PPM1F: variants seen among roughly 807,000 people sequenced by gnomAD.
The protein encoded by PPM1F is protein phosphatase 1F.
Under a neutral mutation model 35.5 loss-of-function variants are expected in PPM1F, and 17 were observed. The observed-to-expected ratio is 0.48, with a 90% CI of 0.33 to 0.72. The LOEUF is 0.72. Ranked by LOEUF, PPM1F falls within the 30% of genes least tolerant of loss-of-function variation. PPM1F has a pLI of 0.02. For missense variants in PPM1F, 521 were observed against 613.0 expected, an observed-to-expected ratio of 0.85 and a Z score of 1.59; for synonymous variants, 241 against 255.5, an observed-to-expected ratio of 0.94 and a Z score of 0.54.
At chr22:21,938,142 G>A in intron 3 of PPM1F, 3 of 1,302,644 alleles carry the variant, frequency 2.3e-6, no homozygotes, top group South Asian at 1.2e-5. Context: ...CTCCTTCCCA[G>A]GCCTGCAGGA....
intron 2 of PPM1F, chr22:21,943,831 GCT>G (rs1360573880): frequency 6.6e-6 from 1 of 152,362 alleles, no homozygotes; most frequent in East Asian, 1.9e-4. Flanking sequence ...AAACCCCTGG[GCT>G]CTGTTGTTCC....
intron 2 of PPM1F, chr22:21,942,581 C>G (rs1410389374): frequency 5.9e-5 from 9 of 152,252 alleles, no homozygotes; most frequent in Admixed American, 5.9e-4. Context: ...TTTTGCACAG[C>G]AGGGAGGAAG....
At chr22:21,935,747 C>T (rs1460692060) in intron 3 of PPM1F, 4 of 152,138 alleles carry the variant, frequency 2.6e-5, no homozygotes, top group South Asian at 2.1e-4. Context: ...CCTGTAGTCC[C>T]GCGCTTTGAG....
At chr22:21,929,038 C>T (rs1354115860) in intron 6 of PPM1F, among the ~76,000 whole-genome samples, 3 of 152,226 alleles carry the variant, frequency 2.0e-5, no homozygotes, top group East Asian at 3.9e-4. Context: ...CAGAGCACCA[C>T]GCACTCCCCC....
intron 3 of PPM1F, chr22:21,937,898 C>G: frequency 5.9e-6 from 2 of 341,866 alleles, no homozygotes; most frequent in South Asian, 4.5e-5. Context: ...GAGGGGCTGA[C>G]TGGCAGCCAC....
At chr22:21,931,853 C>T (rs944935544) in intron 5 of PPM1F, among the ~76,000 whole-genome samples, 7 of 149,742 alleles carry the variant, frequency 4.7e-5, no homozygotes, top group African/African-American at 7.4e-5. Context: ...TGCTCTGTCA[C>T]CCAGGCTGGA....
At chr22:21,938,286 T>C (rs28590662) in intron 3 of PPM1F, 10 of 1,272,046 alleles carry the variant, frequency 7.9e-6, no homozygotes, top group Non-Finnish European at 9.3e-6. Context: ...GCCCCCTTGG[T>C]GGGGCCGCAG....
intron 6 of PPM1F, chr22:21,926,034 C>T (rs1163613473): frequency 1.9e-5 from 4 of 215,186 alleles, no homozygotes; most frequent in Admixed American, 1.1e-4. Context: ...CGTCTCTGCC[C>T]TGAAAGCTGC....
At chr22:21,947,984 T>C (rs2070793800) in intron 1 of PPM1F, 1 of 152,234 alleles carries the variant, frequency 6.6e-6, no homozygotes, top group Non-Finnish European at 1.5e-5. Context: ...CACAAAACCC[T>C]TCTCTTCTTT....
intron 4 of PPM1F, 73 bp downstream of exon 4, chr22:21,933,951 C>A: frequency 7.1e-7 from 1 of 1,411,268 alleles, no homozygotes; most frequent in Non-Finnish European, 9.5e-7. Flanking sequence ...CAGCTCTTCT[C>A]GGTACCTGGG....
chr22:21,927,157 C>T (rs906974178), intron 6 of PPM1F, among the ~76,000 whole-genome samples: 4 of 152,266 alleles, frequency 2.6e-5, no homozygotes, highest in African/African-American at 7.2e-5. Context: ...CTGCCACCTC[C>T]GGGGTCTGAG....
At position 21,933,567 on chromosome 22, in the gene PPM1F, G is replaced by A. The variant is rs1055314607; in HGVS notation, c.571C>T (p.Arg191Cys). Reference sequence around the variant, plus strand: ...CCATCAAACACAGCAAAGTAGGCGCGGTTCACAGGGTCCTGGTGGGGATGT... The same window carrying A: ...CCATCAAACACAGCAAAGTAGGCGCAGTTCACAGGGTCCTGGTGGGGATGT... ...QLFGLSDPVNRAYFAVFDGHG... is the reference protein window; with the variant it reads ...QLFGLSDPVNCAYFAVFDGHG... Residue 191 changes from arginine (R) to cysteine (C), a missense_variant, in exon 5 of 8, where the codon CGC (arginine) becomes TGC (cysteine). Around this residue, in one of 3 missense-constraint regions of PPM1F, gnomAD observed 311 missense variants for 351.5 expected, o/e 0.88. Transcript: ENST00000263212. 12 of 1,611,456 alleles carry A rather than the reference G, an allele frequency of 7.4e-6. No individual in the cohort carries two copies. The highest frequency in any genetic ancestry group is 1.3e-5 in the African/African-American group (1 of 74,906).
chr22:21,938,301 G>A (rs2070685261), intron 3 of PPM1F: 1 of 1,243,860 alleles, frequency 8.0e-7, no homozygotes, highest in Admixed American at 2.9e-5. Flanking sequence ...CCGCAGAGCG[G>A]AGGAGCAGCA....
At chr22:21,950,189 T>A (rs972248594) in intron 1 of PPM1F, 1 of 152,230 alleles carries the variant, frequency 6.6e-6, no homozygotes, top group Non-Finnish European at 1.5e-5. Context: ...GGCTCTCTCA[T>A]GGCTCCTCCT....
At chr22:21,925,369 C>T in intron 7 of PPM1F, 200 bp downstream of exon 7, 1 of 555,958 alleles carries the variant, frequency 1.8e-6, no homozygotes, top group East Asian at 2.9e-5. Context: ...TACAGTGTAA[C>T]TTACACTCAG....
intron 3 of PPM1F, chr22:21,938,417 C>A (rs943493928): frequency 6.9e-6 from 8 of 1,155,104 alleles, no homozygotes; most frequent in South Asian, 6.5e-5. Flanking sequence ...CCAGGGAATG[C>A]GGGCAGGGAG....
intron 3 of PPM1F, chr22:21,934,602 C>T (rs769724417): frequency 5.4e-5 from 10 of 184,304 alleles, no homozygotes; most frequent in South Asian, 8.3e-5. Context: ...GATCTAGTCT[C>T]GGCCAGGCGC....
chr22:21,927,937 GTTTTGT>G (rs1227016944), intron 6 of PPM1F, among the ~76,000 whole-genome samples: 102 of 68,084 alleles, frequency 1.5e-3, no homozygotes, highest in African/African-American at 5.3e-3. Flanking sequence ...TCTGTTTTTT[GTTTTGT>G]TTTTTTTTTT....
At chr22:21,929,051 C>G (rs1216331293) in intron 6 of PPM1F, among the ~76,000 whole-genome samples, 1 of 152,216 alleles carries the variant, frequency 6.6e-6, no homozygotes, top group Non-Finnish European at 1.5e-5. Context: ...ACTCCCCCCA[C>G]GTACTCCTGG....
Sources: gnomAD v4.1 joint callset for allele counts (sites outside exome capture counted in the v4.1 genomes callset) on GRCh38, gnomAD v4.1.1 for gene constraint, gnomAD v4.1.1 regional missense constraint, MANE v1.5 for transcripts, NCBI Gene and HGNC (gene_info 2026-07-23, HGNC 2026-07-21) for gene names.